ITGA8: variants seen among roughly 807,000 people sequenced by gnomAD.
ITGA8 encodes the protein integrin alpha-8.
ITGA8 carries 91 observed loss-of-function variants against 142.3 expected under a neutral mutation model. The ratio of observed to expected loss-of-function variants is 0.64; its 90% CI spans 0.54 to 0.76. The LOEUF is 0.76. Among genes scored for constraint, ITGA8 ranks in the 30% least tolerant of loss-of-function variants. The probability of loss-of-function intolerance (pLI) is 0.00; values close to 1 mark genes in which losing one functional copy is unlikely to be tolerated. For missense variants in ITGA8, 1,406 were observed against 1,327.7 expected (o/e 1.06, Z -0.92); for synonymous variants, 505 against 485.2 (o/e 1.04, Z -0.54).
chr10:15,662,722 G>A (rs371261355), intron 8 of ITGA8, among the ~76,000 whole-genome samples: 1 of 152,302 alleles, frequency 6.6e-6, no homozygotes, highest in East Asian at 1.9e-4. Flanking sequence ...ATCCTGACTA[G>A]TGAGAAGCAA....
intron 27 of ITGA8, among the ~76,000 whole-genome samples, chr10:15,537,052 C>T (rs1033809251): frequency 6.6e-6 from 1 of 152,176 alleles, no homozygotes; most frequent in Non-Finnish European, 1.5e-5. Context: ...AAGGAAATTT[C>T]TATTTCAAGC....
intron 1 of ITGA8, among the ~76,000 whole-genome samples, 196 bp from the exon 2 acceptor site, chr10:15,719,095 C>A (rs1835508622): frequency 6.6e-6 from 1 of 152,152 alleles, no homozygotes; most frequent in South Asian, 2.1e-4. Flanking sequence ...AGAATGCAAA[C>A]GGTCCTGCTT....
intron 2 of ITGA8, among the ~76,000 whole-genome samples, chr10:15,697,163 C>G (rs1835069180): frequency 6.6e-6 from 1 of 152,024 alleles, no homozygotes; most frequent in Non-Finnish European, 1.5e-5. Flanking sequence ...CATCTGCTAT[C>G]TATAAGATAG....
intron 10 of ITGA8, among the ~76,000 whole-genome samples, chr10:15,657,367 A>T (rs915053551): frequency 3.3e-5 from 5 of 152,126 alleles, no homozygotes; most frequent in African/African-American, 1.2e-4. Context: ...TATTTCTCCA[A>T]ACCTTCCAAA....
chr10:15,587,653 G>T (rs1002036832), intron 22 of ITGA8, among the ~76,000 whole-genome samples: 6 of 152,134 alleles, frequency 3.9e-5, no homozygotes, highest in Admixed American at 3.3e-4. Flanking sequence ...ACCCAAGGAA[G>T]TTGGCCAGTT....
intron 11 of ITGA8, 22 bp downstream of exon 11, chr10:15,655,332 T>A: frequency 6.8e-7 from 1 of 1,461,862 alleles, no homozygotes; most frequent in East Asian, 2.3e-5. Context: ...ATATTGTATA[T>A]GAGAGAGGTC....
intron 29 of ITGA8, among the ~76,000 whole-genome samples, chr10:15,518,802 T>A (rs1426317573): frequency 6.6e-6 from 1 of 152,240 alleles, no homozygotes; most frequent in Non-Finnish European, 1.5e-5. Flanking sequence ...TCCTATCACA[T>A]GCATAATCTA....
At chr10:15,568,609 G>A (rs1391887467) in intron 25 of ITGA8, among the ~76,000 whole-genome samples, 1 of 152,180 alleles carries the variant, frequency 6.6e-6, no homozygotes. Context: ...TAGACCGGTT[G>A]TATTTCAGAA....
At chr10:15,691,718 G>T (rs1834937840) in intron 2 of ITGA8, among the ~76,000 whole-genome samples, 1 of 152,152 alleles carries the variant, frequency 6.6e-6, no homozygotes, top group Admixed American at 6.6e-5. Context: ...AGGGATTGGA[G>T]AGATGCTTGT....
intron 27 of ITGA8, among the ~76,000 whole-genome samples, chr10:15,548,209 A>C (rs765138950): frequency 6.6e-6 from 1 of 151,810 alleles, no homozygotes; most frequent in Admixed American, 6.6e-5. Context: ...CTCATGCCTC[A>C]GTCTCCCAAG....
At chr10:15,528,691 C>T (rs564949505) in intron 28 of ITGA8, among the ~76,000 whole-genome samples, 10 of 151,928 alleles carry the variant, frequency 6.6e-5, no homozygotes, top group East Asian at 3.9e-4. Flanking sequence ...CTAGGGAGCA[C>T]GTGCTTGGAA....
intron 23 of ITGA8, among the ~76,000 whole-genome samples, chr10:15,586,048 G>GTT (rs1564362665): frequency 8.3e-6 from 1 of 120,484 alleles, no homozygotes; most frequent in African/African-American, 3.3e-5. Flanking sequence ...GGAATAAAGT[G>GTT]ATTTTTTTTT....
chr10:15,597,457 T>C (rs1197382598), intron 20 of ITGA8, among the ~76,000 whole-genome samples, 158 bp from the exon 21 acceptor site: 1 of 151,834 alleles, frequency 6.6e-6, no homozygotes, highest in Non-Finnish European at 1.5e-5. Context: ...GAAGAGAAAA[T>C]GGAGAGAGAA....
intron 23 of ITGA8, among the ~76,000 whole-genome samples, chr10:15,577,524 A>G (rs1220833628): frequency 1.3e-5 from 2 of 152,184 alleles, no homozygotes; most frequent in Non-Finnish European, 2.9e-5. Context: ...AAAAAATCAA[A>G]TAGAAGTCTA....
chr10:15,518,398 G>A (rs549509476), intron 29 of ITGA8, among the ~76,000 whole-genome samples: 1 of 152,254 alleles, frequency 6.6e-6, no homozygotes, highest in Non-Finnish European at 1.5e-5. Flanking sequence ...CCATTCTAAA[G>A]GCATGTCATA....
chr10:15,592,285 A>C lies in ITGA8; in HGVS notation c.2231T>G (p.Phe744Cys). The C allele has an allele frequency of 6.2e-7, 1 of 1,613,360 alleles. No homozygotes were observed. The highest frequency in any genetic ancestry group is 8.5e-7 in the Non-Finnish European group (1 of 1,179,330). Residue 744 changes from phenylalanine (F) to cysteine (C), a missense_variant, in exon 22 of 30, where the codon TTT becomes TGT. Coordinates refer to ENST00000378076, the MANE Select transcript of ITGA8 (RefSeq NM_003638.3). ...SGTNYSLGLR[F>C]AVPRLEKTNM... is the part of the protein sequence containing the mutation. ...TGTTTTCTCAAGACGTGGAACTGCA[A>C]ATCGGAGGCCCAGGGAATACTAAAA...
chr10:15,607,591 G>T, intron 17 of ITGA8, 86 bp downstream of exon 17: 2 of 1,320,368 alleles, frequency 1.5e-6, no homozygotes, highest in South Asian at 1.2e-5. Flanking sequence ...GGTCTATGCA[G>T]ACAAACATGA....
rs1487606630 is a variant in ITGA8, at chr10:15,606,460, G to T, written c.1765-38C>A. 5.1e-6 allele frequency: 8 copies of T among 1,563,796 alleles called. No individual in the cohort carries two copies. In the South Asian group the frequency reaches 8.1e-5, roughly 16 times the overall value. ...ATCACAAACTCAACAGAGGCTCCAT[G>T]AAATAGCTGCAAGATGTCAGTCTGC... On this transcript the variant is annotated intron_variant, in intron 17 of 29. Transcript: ENST00000378076.
intron 27 of ITGA8, among the ~76,000 whole-genome samples, chr10:15,543,385 C>G (rs951994068): frequency 2.0e-5 from 3 of 152,200 alleles, no homozygotes; most frequent in African/African-American, 7.2e-5. Flanking sequence ...ATGCTCACCC[C>G]TGTGTTTACT....
Sources: gnomAD v4.1 joint callset for allele counts (sites outside exome capture counted in the v4.1 genomes callset) on GRCh38, gnomAD v4.1.1 for gene constraint, MANE v1.5 for transcripts, NCBI Gene and HGNC (gene_info 2026-07-23, HGNC 2026-07-21) for gene names.